The following HOMEZ variants were observed in gnomAD, a reference collection of about 807,000 sequenced individuals.
HOMEZ encodes homeobox and leucine zipper encoding, also known as homeobox and leucine zipper protein Homez.
In HOMEZ, 20 loss-of-function variants were observed where a neutral mutation model predicts 50.1. The observed-to-expected ratio is 0.40, with a 90% CI of 0.28 to 0.58. HOMEZ has a LOEUF of 0.58. Among genes scored for constraint, HOMEZ ranks in the 20% least tolerant of loss-of-function variants. HOMEZ has a pLI of 0.46. For synonymous variants in HOMEZ, 239 were observed against 254.7 expected, an observed-to-expected ratio of 0.94 and a Z score of 0.59; for missense variants, 579 against 680.5, an observed-to-expected ratio of 0.85 and a Z score of 1.66.
intron 1 of HOMEZ, among the ~76,000 whole-genome samples, chr14:23,280,408 C>T (rs1297859680): frequency 1.3e-5 from 2 of 152,142 alleles, no homozygotes; most frequent in African/African-American, 4.8e-5. Flanking sequence ...CTGAGCTTAA[C>T]TTTTCAGCCC....
In HOMEZ at chr14:23,275,512, T is replaced by C. The variant is rs1886322499; in HGVS notation, c.*63A>G. 3 of 1,476,420 alleles carry C rather than the reference T, an allele frequency of 2.0e-6. No homozygotes were observed. The highest frequency in any genetic ancestry group is 2.8e-5 in the South Asian group (2 of 70,376). 91.5% of individuals were successfully genotyped at this position (1,476,420 alleles called of 1,614,324 possible). Reference sequence around the variant, plus strand: ...TAATTTTAAAAATGTGGTTTCTTTGTTTAAACAGTTACTAAGTTGGTTCAT... The same window carrying C: ...TAATTTTAAAAATGTGGTTTCTTTGCTTAAACAGTTACTAAGTTGGTTCAT... On this transcript the variant is annotated 3_prime_UTR_variant, in exon 2 of 2. Transcript: ENST00000357460.
In HOMEZ at chr14:23,273,240, C is replaced by CT. The variant is rs1331392835; in HGVS notation, c.*2334dup. 5.8e-6 allele frequency: 1 copy of CT among 171,684 alleles called. No individual in the cohort carries two copies. Among genetic ancestry groups the CT allele is most frequent in the Non-Finnish European group, 1.2e-5 (1 of 80,882 alleles). 10.6% of individuals were successfully genotyped at this position (171,684 alleles called of 1,614,324 possible). A position where few individuals can be genotyped will look rare whatever the true frequency, so the allele number is the denominator to read the frequency against. On this transcript the variant is annotated 3_prime_UTR_variant, in exon 2 of 2. Coordinates refer to ENST00000357460, the MANE Select transcript of HOMEZ (RefSeq NM_020834.3). ...ATTGTGATGGATCATATACTCATCA[C>CT]TGTTTCATTTCTGGATTTCATTTTT... is the stretch of plus-strand genomic sequence containing the variant.
At position 23,277,835 on chromosome 14, in the gene HOMEZ, G is replaced by A. The variant is rs1444161996; in HGVS notation, c.41-648C>T. On this transcript the variant is annotated intron_variant, in intron 1 of 1. Transcript: ENST00000357460. ...TGTGTATGTGTGTGTCTGTGTGTGT[G>A]TGCGTGTGTTTTGAGATGGAGTCTC... 2.6e-5 allele frequency among the ~76,000 whole-genome samples: 4 copies of A among 151,952 alleles called. No homozygotes were observed. The South Asian group carries it at 8.3e-4, about 32-fold the overall frequency.
rs55828215 is a variant in HOMEZ at position 23,281,799 on chromosome 14, AAATAATAATAAT to A, written c.40+4102_40+4113del. On this transcript the variant is annotated intron_variant, in intron 1 of 1. Coordinates refer to ENST00000357460, the MANE Select transcript of HOMEZ (RefSeq NM_020834.3). ...GGCAACATGGTGAAACTGTCTCTAC[AAATAATAATAAT>A]AATAATAATAATAATAATAATAATA... Among the ~76,000 whole-genome samples the A allele has an allele frequency of 5.4e-3, 745 of 137,446 alleles. 6 individuals are homozygous for A. Among genetic ancestry groups the A allele is most frequent in the African/African-American group, 0.017 (615 of 36,376 alleles). 90.2% of individuals were successfully genotyped at this position (137,446 alleles called of 152,430 possible). A position where few individuals can be genotyped will look rare whatever the true frequency, so the allele number is the denominator to read the frequency against.
Position 23,283,563 on chromosome 14 carries a change from T to C in HOMEZ, c.40+2350A>G, listed in dbSNP as rs142279966. 8.4e-3 allele frequency among the ~76,000 whole-genome samples: 1,281 copies of C among 152,238 alleles called. 5 individuals carry two copies. Among genetic ancestry groups the C allele is most frequent in the Middle Eastern group, 0.02 (6 of 294 alleles). ...AAAAGAGGACTCTAGAACTTTAGGT[T>C]TGAACCTAGGCTTATCGTTAAAGTA... On this transcript the variant is annotated intron_variant, in intron 1 of 1. Transcript: ENST00000357460.
chr14:23,276,151 C>G lies in HOMEZ; in HGVS notation c.1077G>C (p.Lys359Asn). ...GCTGCTCTTTGGTTTTGCGCTTGGT[C>G]TTTCGCTGGCGTTGCATATCTGGGG... ...YLSPDMQRQR[K>N]TKRKTKEQLA... Residue 359 changes from lysine (K) to asparagine (N), a missense_variant, in exon 2 of 2, where the codon AAG (lysine) becomes AAC (asparagine). Physicochemically the swap from Lys to Asn is moderately conservative, Grantham distance 94 (BLOSUM62 0). Coordinates refer to ENST00000357460, the MANE Select transcript of HOMEZ (RefSeq NM_020834.3). This position sits in a 1 kb window ranked among gnomAD's most constrained non-coding sequence, Gnocchi z 4.1. The G allele has an allele frequency of 6.2e-7, 1 of 1,613,858 alleles. No individual in the cohort carries two copies. Among genetic ancestry groups the G allele is most frequent in the Non-Finnish European group, 8.5e-7 (1 of 1,179,820 alleles).
rs1472494236 is a variant in HOMEZ at position 23,276,700 on chromosome 14, G to A, written c.528C>T (p.Thr176=). The A allele has an allele frequency of 6.2e-7, 1 of 1,613,878 alleles. No individual in the cohort carries two copies. The highest frequency in any genetic ancestry group is 1.7e-5 in the Admixed American group (1 of 60,008). The change falls in exon 2 of 2, where the codon ACC becomes ACT. Residue 176 remains threonine (T), a synonymous_variant. Coordinates refer to ENST00000357460, the MANE Select transcript of HOMEZ (RefSeq NM_020834.3). This position sits in a 1 kb window ranked among gnomAD's most constrained non-coding sequence, Gnocchi z 4.1. ...GCTCTACCTTCAATCCTTTCGTCTG[G>A]GTAGGCTTGCTAAGAGTTGGAGGAC... ...GIGPPTLSKP[T]QTKGLKVEPE...
rs796599007 is a variant in HOMEZ, at chr14:23,285,285, A to C, written c.40+628T>G. 4 of 151,718 alleles carry C rather than the reference A, an allele frequency of 2.6e-5. No homozygotes were observed. In the South Asian group the frequency reaches 6.2e-4, roughly 24 times the overall value. 9.4% of individuals were successfully genotyped at this position (151,718 alleles called of 1,614,324 possible). A position where few individuals can be genotyped will look rare whatever the true frequency, so the allele number is the denominator to read the frequency against. On this transcript the variant is annotated intron_variant, in intron 1 of 1. Transcript: ENST00000357460. ...AAAAAAAATCTCCTGATAGGGGCCC[A>C]CATTACCAAACAGGTCTCAGCTTGA...
Position 23,276,807 on chromosome 14 carries a change from AAG to A in HOMEZ, c.419_420del (p.Ser140PhefsTer33), listed in dbSNP as rs1886374420. 1 of 1,613,920 alleles carries A rather than the reference AAG, an allele frequency of 6.2e-7. No individual in the cohort carries two copies. The highest frequency in any genetic ancestry group is 1.7e-5 in the Admixed American group (1 of 60,008). On this transcript the variant is annotated frameshift_variant, in exon 2 of 2. Coordinates refer to ENST00000357460, the MANE Select transcript of HOMEZ (RefSeq NM_020834.3). LOFTEE classifies it high-confidence loss of function. This position sits in a 1 kb window ranked among gnomAD's most constrained non-coding sequence, Gnocchi z 4.1. Reference protein sequence around the residue: ...RDQLHFKSLLSFTHHAGRPPE... With the variant: ...RDQLHFKSLLXFTHHAGRPPE... ...GGGGGCCGTCCCGCATGATGAGTAA[AAG>A]AGAGAAGGGATTTGAAATGGAGTTG...
At position 23,285,990 on chromosome 14, in the gene HOMEZ, C is replaced by T; in HGVS notation, c.-38G>A. ...AGTGGGGGAGAGGGCAGGGGGCCTCCGAGTGGGAGTGGGGTTGCTGCCCGG... is the reference window on the plus strand; with the variant it reads ...AGTGGGGGAGAGGGCAGGGGGCCTCTGAGTGGGAGTGGGGTTGCTGCCCGG... On this transcript the variant is annotated 5_prime_UTR_variant, in exon 1 of 2. Coordinates refer to ENST00000357460, the MANE Select transcript of HOMEZ (RefSeq NM_020834.3). 1.6e-6 allele frequency: 2 copies of T among 1,236,250 alleles called. No individual in the cohort carries two copies. The highest frequency in any genetic ancestry group is 1.0e-6 in the Non-Finnish European group (1 of 985,590). The allele number at this position is 1,236,250 out of a possible 1,614,324, so 76.6% of individuals were successfully genotyped here.
At chr14:23,280,818 G>C (rs1050529495) in intron 1 of HOMEZ, among the ~76,000 whole-genome samples, 1 of 137,138 alleles carries the variant, frequency 7.3e-6, no homozygotes, top group Admixed American at 8.2e-5. Context: ...TCTGTCGCCA[G>C]GCTGGAGTGC....
At position 23,279,809 on chromosome 14, in the gene HOMEZ, G is replaced by A. The variant is rs532654803; in HGVS notation, c.41-2622C>T. 1.7e-4 allele frequency among the ~76,000 whole-genome samples: 26 copies of A among 152,148 alleles called. No homozygotes were observed. In the South Asian group the frequency reaches 2.9e-3, roughly 17 times the overall value. On this transcript the variant is annotated intron_variant, in intron 1 of 1. Coordinates refer to ENST00000357460, the MANE Select transcript of HOMEZ (RefSeq NM_020834.3). ...TATTTTTTTTTAGAGACAAGTTCTC[G>A]TTATGTTGCCCAGGCTGGCGTGCTA...
Position 23,272,603 on chromosome 14 carries a change from T to C in HOMEZ, c.*2972A>G, listed in dbSNP as rs1886188775. On this transcript the variant is annotated 3_prime_UTR_variant, in exon 2 of 2. Transcript: ENST00000357460. ...TTTAATTTTCAAATATTCATCCTTA[T>C]TATTATCACCATAAGCTACTGAAAT... 5 of 558,698 alleles carry C rather than the reference T, an allele frequency of 8.9e-6. No individual in the cohort carries two copies. Among genetic ancestry groups the C allele is most frequent in the Non-Finnish European group, 1.6e-5 (5 of 315,234 alleles). 34.6% of individuals were successfully genotyped at this position (558,698 alleles called of 1,614,324 possible).
chr14:23,279,631 T>C (rs1886444693), intron 1 of HOMEZ, among the ~76,000 whole-genome samples: 1 of 152,222 alleles, frequency 6.6e-6, no homozygotes. Flanking sequence ...GAATTGAACA[T>C]ACTGACATAT....
At chr14:23,280,451 A>C (rs1446277135) in intron 1 of HOMEZ, among the ~76,000 whole-genome samples, 3 of 152,098 alleles carry the variant, frequency 2.0e-5, no homozygotes, top group African/African-American at 4.8e-5. Context: ...GGACAGGCTC[A>C]TTATAAATTG....
chr14:23,284,901 G>A (rs573307137), intron 1 of HOMEZ: 1 of 152,240 alleles, frequency 6.6e-6, no homozygotes, highest in African/African-American at 2.4e-5. Flanking sequence ...GAATTACCTG[G>A]GAAGCTTAAA....
intron 1 of HOMEZ, among the ~76,000 whole-genome samples, chr14:23,280,373 C>G (rs544067609): frequency 2.6e-5 from 4 of 152,254 alleles, no homozygotes; most frequent in Admixed American, 2.6e-4. Context: ...ACTAACAGCC[C>G]CCTCCACACA....
Position 23,285,179 on chromosome 14 carries a change from C to T in HOMEZ, c.40+734G>A, listed in dbSNP as rs1220955605. The T allele has an allele frequency of 2.0e-5, 3 of 151,470 alleles. 1 individual carries two copies. Among genetic ancestry groups the T allele is most frequent in the African/African-American group, 7.3e-5 (3 of 41,182 alleles). The allele number at this position is 151,470 out of a possible 1,614,324, so 9.4% of individuals were successfully genotyped here. ...TTTAAAATTCCCAATCTGGCTTTTT[C>T]AATTACTACCAACTAACCGAATCAT... is the stretch of plus-strand genomic sequence containing the variant. On this transcript the variant is annotated intron_variant, in intron 1 of 1. Transcript: ENST00000357460.
Position 23,273,026 on chromosome 14 carries a change from C to A in HOMEZ, c.*2549G>T. Reference sequence around the variant, plus strand: ...TTCACTCTGTACCTTATGCTCCCCCCATCTTTACCCTATTCACCCTTATCA... The same window carrying A: ...TTCACTCTGTACCTTATGCTCCCCCAATCTTTACCCTATTCACCCTTATCA... On this transcript the variant is annotated 3_prime_UTR_variant, in exon 2 of 2. Transcript: ENST00000357460. 3.6e-6 allele frequency: 2 copies of A among 552,436 alleles called. No individual in the cohort carries two copies. Among genetic ancestry groups the A allele is most frequent in the South Asian group, 4.8e-5 (2 of 41,878 alleles). The allele number at this position is 552,436 out of a possible 1,614,324, so 34.2% of individuals were successfully genotyped here.
Sources: gnomAD v4.1 joint callset for allele counts (sites outside exome capture counted in the v4.1 genomes callset) on GRCh38, gnomAD v4.1.1 for gene constraint, Gnocchi (gnomAD v3.1) non-coding constraint, MANE v1.5 for transcripts, NCBI Gene and HGNC (gene_info 2026-07-23, HGNC 2026-07-21) for gene names.